BCL11B: variants seen among roughly 807,000 people sequenced by gnomAD.
BCL11B encodes the protein B-cell lymphoma/leukemia 11B.
BCL11B carries 8 observed loss-of-function variants against 49.9 expected under a neutral mutation model. That is an observed-to-expected ratio of 0.16 (90% CI 0.09 to 0.29). BCL11B has a LOEUF of 0.29. Ranked by LOEUF, BCL11B falls within the 10% of genes least tolerant of loss-of-function variation. The probability of loss-of-function intolerance (pLI) is 1.00; values close to 1 mark genes in which losing one functional copy is unlikely to be tolerated. For synonymous variants in BCL11B, 739 were observed against 637.4 expected (o/e 1.16, Z -2.40); for missense variants, 1,006 against 1,351.0 (o/e 0.74, Z 4.00).
rs115498720 is a variant in BCL11B at position 99,229,377 on chromosome 14, C to T, written c.640+1968G>A. ...TTGCTGATGGCAGAGCCCCCCAGAG[C>T]CAAGGCAGTGGAAAGCTCATTCGAC... On this transcript the variant is annotated intron_variant, in intron 3 of 3. Coordinates refer to ENST00000357195, the MANE Select transcript of BCL11B (RefSeq NM_138576.4). Among the ~76,000 whole-genome samples, 587 of 151,734 alleles carry T rather than the reference C, an allele frequency of 3.9e-3. 5 individuals are homozygous for T. The highest frequency in any genetic ancestry group is 0.014 in the African/African-American group (557 of 41,040).
At chr14:99,217,179 TAC>T (rs1887867328) in intron 3 of BCL11B, among the ~76,000 whole-genome samples, 1 of 152,096 alleles carries the variant, frequency 6.6e-6, no homozygotes, top group Admixed American at 6.5e-5. Flanking sequence ...TATGTATATA[TAC>T]CCTCACATGT....
At chr14:99,238,985 A>G (rs1888586770) in intron 2 of BCL11B, among the ~76,000 whole-genome samples, 1 of 152,106 alleles carries the variant, frequency 6.6e-6, no homozygotes, top group South Asian at 2.1e-4. Context: ...TTCTATATAC[A>G]TATACATATG....
rs563792353 is a variant in BCL11B at position 99,173,638 on chromosome 14, T to A, written c.*513A>T. 36 of 217,074 alleles carry A rather than the reference T, an allele frequency of 1.7e-4. No homozygotes were observed. The highest frequency in any genetic ancestry group is 7.7e-4 in the African/African-American group (34 of 43,904). 13.4% of individuals were successfully genotyped at this position (217,074 alleles called of 1,614,324 possible). ...CAAAAAAAAGGAAGGAATGAAAAAG[T>A]AAACAACTTTAAAAGTCATTTGAGT... is the stretch of plus-strand genomic sequence containing the variant. On this transcript the variant is annotated 3_prime_UTR_variant, in exon 4 of 4. Transcript: ENST00000357195.
rs1011638174 is a variant in BCL11B at position 99,173,174 on chromosome 14, C to T, written c.*977G>A. The T allele has an allele frequency of 5.6e-5, 13 of 230,132 alleles. No individual in the cohort carries two copies. The highest frequency in any genetic ancestry group is 8.6e-5 in the Non-Finnish European group (10 of 116,164). The allele number at this position is 230,132 out of a possible 1,614,324, so 14.3% of individuals were successfully genotyped here. On this transcript the variant is annotated 3_prime_UTR_variant, in exon 4 of 4. Transcript: ENST00000357195. ...TCCTTTCTGTGTCACTGCAGGCCAC[C>T]CCATCTCCCCAAAAAGGTACCCTCA...
rs1004959598 is a variant in BCL11B at position 99,195,816 on chromosome 14, A to G, written c.641-19621T>C. On this transcript the variant is annotated intron_variant, in intron 3 of 3. Coordinates refer to ENST00000357195, the MANE Select transcript of BCL11B (RefSeq NM_138576.4). The surrounding 1 kb of genome is among the most constrained non-coding windows in gnomAD (Gnocchi z 4.7). ...ACCATCTGACACATAGTAGGTGCTC[A>G]GCCAACACCTGCTAGACTGAGCTGA... Among the ~76,000 whole-genome samples the G allele has an allele frequency of 2.0e-5, 3 of 152,138 alleles. No individual in the cohort carries two copies. The highest frequency in any genetic ancestry group is 4.8e-5 in the African/African-American group (2 of 41,436).
chr14:99,190,344 C>A (rs1886985945), intron 3 of BCL11B, among the ~76,000 whole-genome samples: 2 of 152,158 alleles, frequency 1.3e-5, no homozygotes, highest in Non-Finnish European at 2.9e-5. Context: ...AAAAAACTAG[C>A]CAGGCGTGGT....
intron 1 of BCL11B, among the ~76,000 whole-genome samples, chr14:99,267,927 G>A (rs189788160): frequency 3.9e-5 from 6 of 152,274 alleles, no homozygotes; most frequent in Non-Finnish European, 8.8e-5. Context: ...TCTTCAGAAA[G>A]CATCAAGCTC....
At chr14:99,201,101 A>C (rs890492020) in intron 3 of BCL11B, among the ~76,000 whole-genome samples, 6 of 152,226 alleles carry the variant, frequency 3.9e-5, no homozygotes, top group Admixed American at 2.6e-4. Context: ...GAGCAGGATC[A>C]AAGCTGCAGA....
rs1416553945 is a variant in BCL11B, at chr14:99,199,679, T to TGCGC, written c.641-23485_641-23484insGCGC. Among the ~76,000 whole-genome samples, 334 of 69,902 alleles carry TGCGC rather than the reference T, an allele frequency of 4.8e-3. 1 individual carries two copies. Among genetic ancestry groups the TGCGC allele is most frequent in the Middle Eastern group, 0.016 (2 of 124 alleles). The allele number at this position is 69,902 out of a possible 152,430, so 45.9% of individuals were successfully genotyped here. On this transcript the variant is annotated intron_variant, in intron 3 of 3. Coordinates refer to ENST00000357195, the MANE Select transcript of BCL11B (RefSeq NM_138576.4). ...GTGTGTGTGTGTGTGTGTGTGTGTG[T>TGCGC]GTGTGCGCGCGCGCGCGCACGTGCA...
chr14:99,249,801 T>C (rs1341073167), intron 2 of BCL11B, among the ~76,000 whole-genome samples: 1 of 152,162 alleles, frequency 6.6e-6, no homozygotes, highest in Non-Finnish European at 1.5e-5. Flanking sequence ...GAATAGTGTC[T>C]GGCACACAGT....
chr14:99,189,370 C>A (rs927863258), intron 3 of BCL11B, among the ~76,000 whole-genome samples: 2 of 152,234 alleles, frequency 1.3e-5, no homozygotes, highest in Non-Finnish European at 2.9e-5. Flanking sequence ...TAAGATGCAC[C>A]GAACGCCACC....
At chr14:99,176,573 A>T (rs1292428655) in intron 3 of BCL11B, among the ~76,000 whole-genome samples, 2 of 152,252 alleles carry the variant, frequency 1.3e-5, no homozygotes, top group Non-Finnish European at 2.9e-5. Flanking sequence ...ACTGTGTAAC[A>T]GCCCTGGCAA....
At chr14:99,265,687 G>GCTTACAA (rs1889460317) in intron 1 of BCL11B, among the ~76,000 whole-genome samples, 1 of 152,144 alleles carries the variant, frequency 6.6e-6, no homozygotes, top group African/African-American at 2.4e-5. Flanking sequence ...GCCACTACAT[G>GCTTACAA]CTTACAACTG....
chr14:99,176,296 A>C, intron 3 of BCL11B, 101 bp from the exon 4 acceptor site: 1 of 1,124,964 alleles, frequency 8.9e-7, no homozygotes, highest in Non-Finnish European at 1.2e-6. Context: ...GCCCGGGCTG[A>C]TCCGGGATCC....
chr14:99,245,260 G>T (rs545089759), intron 2 of BCL11B, among the ~76,000 whole-genome samples: 1 of 152,308 alleles, frequency 6.6e-6, no homozygotes, highest in East Asian at 1.9e-4. Flanking sequence ...GTTGGAAGAG[G>T]TTATCCTAAG....
At chr14:99,261,233 A>C (rs949156728) in intron 1 of BCL11B, among the ~76,000 whole-genome samples, 2 of 152,218 alleles carry the variant, frequency 1.3e-5, no homozygotes, top group Non-Finnish European at 2.9e-5. Context: ...GCTCACGTTC[A>C]AGGCCTTTGT....
intron 3 of BCL11B, among the ~76,000 whole-genome samples, chr14:99,208,087 C>T (rs951557300): frequency 7.2e-5 from 11 of 152,142 alleles, no homozygotes; most frequent in African/African-American, 2.7e-4. Context: ...CACAGGGCAG[C>T]ATAGGGAGAT....
chr14:99,253,721 T>C (rs952383230), intron 2 of BCL11B, among the ~76,000 whole-genome samples: 3 of 152,088 alleles, frequency 2.0e-5, no homozygotes, highest in Non-Finnish European at 4.4e-5. Context: ...AGATAACGGC[T>C]TGGCAGCGCC....
rs948134337 is a variant in BCL11B at position 99,199,423 on chromosome 14, T to C, written c.641-23228A>G. Among the ~76,000 whole-genome samples, 12 of 152,332 alleles carry C rather than the reference T, an allele frequency of 7.9e-5. 1 individual carries two copies. The East Asian group carries it at 2.3e-3, about 29-fold the overall frequency. On this transcript the variant is annotated intron_variant, in intron 3 of 3. Coordinates refer to ENST00000357195, the MANE Select transcript of BCL11B (RefSeq NM_138576.4). Reference sequence around the variant, plus strand: ...GTTTCAACAGCCGAGGAATTCTGATTGCTGTCAATATTCTCAATGGCTGAG... The same window carrying C: ...GTTTCAACAGCCGAGGAATTCTGATCGCTGTCAATATTCTCAATGGCTGAG...
Sources: allele counts gnomAD v4.1 joint callset (sites outside exome capture counted in the v4.1 genomes callset), GRCh38; gene constraint gnomAD v4.1.1; non-coding constraint Gnocchi (gnomAD v3.1); transcripts MANE v1.5; gene names NCBI Gene and HGNC (gene_info 2026-07-23, HGNC 2026-07-21).